The following ATP10A variants were observed in gnomAD, a reference collection of about 807,000 sequenced individuals.
ATP10A encodes phospholipid-transporting ATPase VA.
A neutral mutation model predicts 147.8 loss-of-function variants in ATP10A; 111 were observed. The ratio of observed to expected loss-of-function variants is 0.75; its 90% confidence interval spans 0.64 to 0.88. The LOEUF (loss-of-function observed/expected upper bound fraction) is 0.88. ATP10A is among the 40% of genes least tolerant of loss of function. ATP10A has a pLI of 0.00. For missense variants in ATP10A, 1,927 were observed against 1,959.0 expected, an observed-to-expected ratio of 0.98 and a Z score of 0.31; for synonymous variants, 875 against 841.6, an observed-to-expected ratio of 1.04 and a Z score of -0.69.
chr15:25,680,508 G>T (rs573230434), intron 19 of ATP10A, among the ~76,000 whole-genome samples, 200 bp from the exon 20 acceptor site: 5 of 152,276 alleles, frequency 3.3e-5, no homozygotes, highest in Admixed American at 3.3e-4. Flanking sequence ...ATGCACATGA[G>T]GTGAGATGGA....
chr15:25,736,480 C>A (rs1341310465), intron 2 of ATP10A, among the ~76,000 whole-genome samples: 2 of 152,166 alleles, frequency 1.3e-5, no homozygotes, highest in East Asian at 1.9e-4. Context: ...TTAAGACACA[C>A]GGCACTTGCC....
intron 1 of ATP10A, among the ~76,000 whole-genome samples, chr15:25,808,252 T>C (rs1332757553): frequency 6.6e-6 from 1 of 152,216 alleles, no homozygotes; most frequent in Non-Finnish European, 1.5e-5. Context: ...CTGCAGGGAA[T>C]TTTAGATTAA....
At chr15:25,780,152 G>A (rs1021963482) in intron 2 of ATP10A, among the ~76,000 whole-genome samples, 2 of 152,262 alleles carry the variant, frequency 1.3e-5, no homozygotes, top group Non-Finnish European at 2.9e-5. Context: ...CACTGCCCCA[G>A]GGAAGCCCGA....
At position 25,801,787 on chromosome 15, in the gene ATP10A, C is replaced by T. The variant is rs1004847392; in HGVS notation, c.450-20564G>A. 5.9e-5 allele frequency among the ~76,000 whole-genome samples: 9 copies of T among 152,208 alleles called. No individual in the cohort carries two copies. The South Asian group carries it at 8.3e-4, about 14-fold the overall frequency. ...CACAGCCCACCTGCTGGAAGGCCCC[C>T]GTGCCAGTCTCTGAACCCCAATGGA... On this transcript the variant is annotated intron_variant, in intron 1 of 20. Transcript: ENST00000555815.
intron 2 of ATP10A, among the ~76,000 whole-genome samples, chr15:25,745,424 T>C (rs1332272803): frequency 1.3e-5 from 2 of 150,160 alleles, no homozygotes; most frequent in South Asian, 2.1e-4. Context: ...TAAACAGTAG[T>C]GTTAAAAGAG....
At chr15:25,840,501 C>T (rs141693689) in intron 1 of ATP10A, among the ~76,000 whole-genome samples, 3 of 152,252 alleles carry the variant, frequency 2.0e-5, no homozygotes, top group Non-Finnish European at 4.4e-5. Flanking sequence ...CTTTTTACTA[C>T]TGACTAGTAT....
intron 1 of ATP10A, among the ~76,000 whole-genome samples, chr15:25,809,346 G>A (rs538086999): frequency 2.6e-5 from 4 of 152,284 alleles, no homozygotes; most frequent in Admixed American, 2.6e-4. Context: ...ACGGCTTACT[G>A]CATGGTGGAG....
intron 1 of ATP10A, among the ~76,000 whole-genome samples, chr15:25,805,454 G>A (rs999943554): frequency 6.6e-6 from 1 of 152,178 alleles, no homozygotes; most frequent in African/African-American, 2.4e-5. Flanking sequence ...CACTTTACAC[G>A]CGTCCTTATT....
intron 1 of ATP10A, among the ~76,000 whole-genome samples, chr15:25,857,800 G>A (rs1030674670): frequency 1.3e-5 from 2 of 152,200 alleles, no homozygotes; most frequent in East Asian, 3.9e-4. Context: ...GAGCAGGGTA[G>A]ATCTGGGCTC....
At chr15:25,797,448 C>G (rs538363281) in intron 1 of ATP10A, among the ~76,000 whole-genome samples, 3 of 152,210 alleles carry the variant, frequency 2.0e-5, no homozygotes, top group Non-Finnish European at 4.4e-5. Flanking sequence ...GCCCCTGCCC[C>G]CACCCCACCC....
intron 2 of ATP10A, among the ~76,000 whole-genome samples, chr15:25,763,263 TA>T (rs1411395607): frequency 6.6e-6 from 1 of 152,172 alleles, no homozygotes; most frequent in Non-Finnish European, 1.5e-5. Context: ...ATTCTTGAAA[TA>T]AATTATTTTC....
chr15:25,683,689 A>C, intron 16 of ATP10A: 2 of 586,058 alleles, frequency 3.4e-6, no homozygotes, highest in Non-Finnish European at 6.0e-6. Flanking sequence ...CGCCCTCCTC[A>C]CTCCCTTAAG....
chr15:25,681,121 C>T (rs938758687), intron 17 of ATP10A, 47 bp from the exon 18 acceptor site: 1 of 1,565,884 alleles, frequency 6.4e-7, no homozygotes, highest in South Asian at 1.1e-5. Context: ...GCATTGGCAT[C>T]CTCTGTGAAA....
chr15:25,708,222 A>T lies in ATP10A; in HGVS notation c.2423T>A (p.Leu808Gln). The T allele has an allele frequency of 6.2e-7, 1 of 1,614,236 alleles. No individual in the cohort carries two copies. The highest frequency in any genetic ancestry group is 8.5e-7 in the Non-Finnish European group (1 of 1,180,040). ...NYLNVYAAEG[L>Q]RTLCIAKRVL... ...TCTCTTGGCGATGCACAAGGTGCGC[A>T]GGCCTTCCGCCGCATACACGTTGAG... The change falls in exon 11 of 21, where the codon CTG becomes CAG. Residue 808 changes from leucine (L) to glutamine (Q), a missense_variant. By Grantham distance (113) the Leu-to-Gln change is moderately radical. Coordinates refer to ENST00000555815, the MANE Select transcript of ATP10A (RefSeq NM_024490.4).
At chr15:25,728,469 G>A (rs1469676905) in intron 3 of ATP10A, among the ~76,000 whole-genome samples, 10 of 152,128 alleles carry the variant, frequency 6.6e-5, no homozygotes, top group Non-Finnish European at 1.3e-4. Flanking sequence ...AGAGAGATTC[G>A]AGACGGCAAA....
intron 10 of ATP10A, 30 bp downstream of exon 10, chr15:25,713,644 T>C (rs1417370064): frequency 6.2e-7 from 1 of 1,604,768 alleles, no homozygotes; most frequent in Non-Finnish European, 8.5e-7. Context: ...TCCCCCGAGC[T>C]GGGGTGCAGC....
At chr15:25,779,023 T>C (rs1376484861) in intron 2 of ATP10A, among the ~76,000 whole-genome samples, 4 of 152,114 alleles carry the variant, frequency 2.6e-5, no homozygotes, top group Non-Finnish European at 5.9e-5. Flanking sequence ...ACTACAGGCA[T>C]GCGCCACCAC....
intron 1 of ATP10A, among the ~76,000 whole-genome samples, chr15:25,799,283 A>G (rs544974784): frequency 8.7e-5 from 13 of 149,698 alleles, no homozygotes; most frequent in African/African-American, 3.2e-4. Context: ...CCTCATAAAA[A>G]CCCCCGTTAT....
In ATP10A at chr15:25,856,131, G is replaced by C. The variant is rs4906794; in HGVS notation, c.449+6517C>G. On this transcript the variant is annotated intron_variant, in intron 1 of 20. Transcript: ENST00000555815. ...AGAAAGCTAACTGGTTACTGATATG[G>C]GTTGGCTCTCTGTCCCCACCCAAAT... Among the ~76,000 whole-genome samples the C allele has an allele frequency of 1.8e-3, 267 of 152,156 alleles. 3 individuals carry two copies. Among genetic ancestry groups the C allele is most frequent in the African/African-American group, 6.0e-3 (251 of 41,504 alleles).
Sources: allele counts gnomAD v4.1 joint callset (sites outside exome capture counted in the v4.1 genomes callset), GRCh38; gene constraint gnomAD v4.1.1; transcripts MANE v1.5; gene names NCBI Gene and HGNC (gene_info 2026-07-23, HGNC 2026-07-21).